VPS45: variants seen among roughly 807,000 people sequenced by gnomAD.
VPS45 encodes vacuolar protein sorting 45 homolog, also known as vacuolar protein sorting-associated protein 45.
In VPS45, 35 loss-of-function variants were observed where a neutral mutation model predicts 75.9. The ratio of observed to expected loss-of-function variants is 0.46; its 90% confidence interval spans 0.35 to 0.61. The LOEUF (loss-of-function observed/expected upper bound fraction) is 0.61. Ranked by LOEUF, VPS45 falls within the 20% of genes least tolerant of loss-of-function variation. The pLI is 0.00. For missense variants in VPS45, 559 were observed against 685.9 expected (o/e 0.81, Z 2.07); for synonymous variants, 220 against 238.2 (o/e 0.92, Z 0.70).
intron 14 of VPS45, among the ~76,000 whole-genome samples, chr1:150,134,738 G>A (rs1658989306): frequency 6.6e-6 from 1 of 152,086 alleles, no homozygotes; most frequent in African/African-American, 2.4e-5. Flanking sequence ...TCATTTTTCA[G>A]TGCTGTGTAA....
intron 13 of VPS45, chr1:150,098,718 A>G (rs1303171825): frequency 3.1e-6 from 1 of 319,594 alleles, no homozygotes; most frequent in Non-Finnish European, 4.8e-6. Flanking sequence ...AAATTTTTTT[A>G]GCCCTTAGCT....
chr1:150,082,643 A>G, intron 9 of VPS45, 73 bp from the exon 10 acceptor site: 6 of 1,524,034 alleles, frequency 3.9e-6, no homozygotes, highest in Non-Finnish European at 5.3e-6. Context: ...GCTTTCCCCA[A>G]CCCCCATTCA....
At chr1:150,108,273 T>A (rs1571875800) in intron 13 of VPS45, among the ~76,000 whole-genome samples, 1 of 152,190 alleles carries the variant, frequency 6.6e-6, no homozygotes, top group Non-Finnish European at 1.5e-5. Flanking sequence ...TCAGCAGATG[T>A]ATTTACAACC....
At chr1:150,136,382 C>T (rs1019372176) in intron 14 of VPS45, among the ~76,000 whole-genome samples, 2 of 151,734 alleles carry the variant, frequency 1.3e-5, no homozygotes, top group South Asian at 2.1e-4. Context: ...GGTGAAACCC[C>T]GTCTCTACTA....
chr1:150,125,375 T>C (rs1553810499), intron 14 of VPS45, among the ~76,000 whole-genome samples: 2 of 149,556 alleles, frequency 1.3e-5, no homozygotes, highest in African/African-American at 2.4e-5. Flanking sequence ...ATTTTTATTA[T>C]ACTTTAAGTT....
chr1:150,068,350 C>CT, intron 1 of VPS45: 1 of 373,896 alleles, frequency 2.7e-6, no homozygotes. Context: ...AAACAAAACT[C>CT]TTTAAGGTGA....
intron 13 of VPS45, among the ~76,000 whole-genome samples, chr1:150,097,314 G>GACCTCGTGATCCGCCCGCCTC (rs1204990115): frequency 6.6e-6 from 1 of 150,894 alleles, no homozygotes; most frequent in East Asian, 2.0e-4. Context: ...TCGAACTCCT[G>GACCTCGTGATCCGCCCGCCTC]ACCTCGTGAT....
Position 150,091,961 on chromosome 1 carries a change from C to A in VPS45, c.1129C>A (p.Pro377Thr), listed in dbSNP as rs781919956. 12 of 1,613,720 alleles carry A rather than the reference C, an allele frequency of 7.4e-6. No homozygotes were observed. In the Admixed American group the frequency reaches 1.7e-4, roughly 22 times the overall value. Residue 377 changes from proline to threonine, a missense_variant, in exon 11 of 15, where the codon CCC (proline) becomes ACC (threonine). Physicochemically the swap from Pro to Thr is conservative, Grantham distance 38 (BLOSUM62 -1). Transcript: ENST00000644510. ...LQNIKRLLQNPKVTEFDAARL... is the reference protein window; with the variant it reads ...LQNIKRLLQNTKVTEFDAARL... Reference sequence around the variant, plus strand: ...GAATATAAAAAGGCTTCTGCAGAACCCCAAAGTGACAGAGTTTGATGCTGC... The same window carrying A: ...GAATATAAAAAGGCTTCTGCAGAACACCAAAGTGACAGAGTTTGATGCTGC...
intron 10 of VPS45, among the ~76,000 whole-genome samples, chr1:150,088,759 C>T (rs1656165134): frequency 6.6e-6 from 1 of 151,950 alleles, no homozygotes; most frequent in African/African-American, 2.4e-5. Flanking sequence ...GATTATAGAC[C>T]TGAGCCACCG....
At chr1:150,134,450 C>T (rs1553813110) in intron 14 of VPS45, among the ~76,000 whole-genome samples, 1 of 152,134 alleles carries the variant, frequency 6.6e-6, no homozygotes, top group African/African-American at 2.4e-5. Flanking sequence ...TTTCACCTAA[C>T]CCAAGGACTA....
chr1:150,068,719 G>A lies in VPS45; in HGVS notation c.183G>A (p.Glu61=). Residue 61 remains glutamate, a synonymous_variant, in exon 2 of 15, where the codon GAG becomes GAA. Transcript: ENST00000644510. ...AACGCATTGATTCTCAAAATCGAGA[G>A]ATCATGAAACACCTGAAGGCAATTT... is the stretch of plus-strand genomic sequence containing the variant. ...LFERIDSQNR[E]IMKHLKAICF... is the part of the protein sequence containing the mutation. 6.2e-7 allele frequency: 1 copy of A among 1,613,122 alleles called. No individual in the cohort carries two copies. The highest frequency in any genetic ancestry group is 8.5e-7 in the Non-Finnish European group (1 of 1,179,568).
At chr1:150,096,065 G>A (rs1645814497) in intron 13 of VPS45, among the ~76,000 whole-genome samples, 1 of 152,116 alleles carries the variant, frequency 6.6e-6, no homozygotes, top group Non-Finnish European at 1.5e-5. Flanking sequence ...ACAGATTTAT[G>A]GAACAAGGGT....
rs1468692029 is a variant in VPS45, at chr1:150,074,987, A to G, written c.290-1246A>G. Among the ~76,000 whole-genome samples the G allele has an allele frequency of 4.5e-5, 5 of 110,426 alleles. No individual in the cohort carries two copies. The South Asian group carries it at 1.4e-3, about 31-fold the overall frequency. The allele number at this position is 110,426 out of a possible 152,430, so 72.4% of individuals were successfully genotyped here. On this transcript the variant is annotated intron_variant, in intron 3 of 14. Transcript: ENST00000644510. Reference sequence around the variant, plus strand: ...TTTTTTTTTTTTTTTTTTGAGACACAGTCTCCCTCTGTCACCCAGACAGAG... The same window carrying G: ...TTTTTTTTTTTTTTTTTTGAGACACGGTCTCCCTCTGTCACCCAGACAGAG...
chr1:150,141,618 C>T (rs1218748420), intron 14 of VPS45, among the ~76,000 whole-genome samples: 16 of 152,000 alleles, frequency 1.1e-4, no homozygotes, highest in African/African-American at 3.6e-4. Context: ...TGCTTTTTTC[C>T]ACCCACCTTC....
At chr1:150,129,943 T>C (rs1188296330) in intron 14 of VPS45, among the ~76,000 whole-genome samples, 11 of 151,098 alleles carry the variant, frequency 7.3e-5, no homozygotes, top group Admixed American at 2.0e-4. Context: ...CCTCAAACTC[T>C]TGGGCTCAAG....
chr1:150,114,769 G>A (rs782621826), intron 14 of VPS45, among the ~76,000 whole-genome samples: 2 of 151,660 alleles, frequency 1.3e-5, no homozygotes, highest in Non-Finnish European at 2.9e-5. Flanking sequence ...AAATTAGCTG[G>A]GCATGGTAGC....
intron 13 of VPS45, among the ~76,000 whole-genome samples, chr1:150,108,077 G>T (rs782235369): frequency 6.6e-6 from 1 of 152,130 alleles, no homozygotes; most frequent in Non-Finnish European, 1.5e-5. Context: ...GCAACTAGAA[G>T]GCTAAAGTGA....
chr1:150,142,726 C>A, intron 14 of VPS45: 1 of 346,190 alleles, frequency 2.9e-6, no homozygotes, highest in East Asian at 9.2e-5. Flanking sequence ...AGTGCAATGG[C>A]ACAATCTTGG....
rs1160607319 is a variant in VPS45 at position 150,093,749 on chromosome 1, T to G, written c.1493+101T>G. The G allele has an allele frequency of 3.6e-6, 5 of 1,387,122 alleles. No individual in the cohort carries two copies. In the African/African-American group the frequency reaches 7.2e-5, roughly 20 times the overall value. 85.9% of individuals were successfully genotyped at this position (1,387,122 alleles called of 1,614,324 possible). A position where few individuals can be genotyped will look rare whatever the true frequency, so the allele number is the denominator to read the frequency against. ...TAAAGCTGAGGTTATAGCATTCTGC[T>G]GCTCCTTTCTTCTGTTAAGATTCTT... On this transcript the variant is annotated intron_variant, in intron 13 of 14. Transcript: ENST00000644510.
Sources: gnomAD v4.1 joint callset for allele counts (sites outside exome capture counted in the v4.1 genomes callset) on GRCh38, gnomAD v4.1.1 for gene constraint, MANE v1.5 for transcripts, NCBI Gene and HGNC (gene_info 2026-07-23, HGNC 2026-07-21) for gene names.